Variants in PIK3C3 observed in about 807,000 individuals in gnomAD.
PIK3C3 encodes the protein phosphatidylinositol 3-kinase catalytic subunit type 3.
In PIK3C3, 95 loss-of-function variants were observed where a neutral mutation model predicts 126.1. The ratio of observed to expected loss-of-function variants is 0.75; its 90% CI spans 0.64 to 0.89. The LOEUF (loss-of-function observed/expected upper bound fraction) is 0.89. Ranked by LOEUF, PIK3C3 falls within the 40% of genes least tolerant of loss-of-function variation. The pLI is 0.00. For synonymous variants in PIK3C3, 374 were observed against 360.0 expected, an observed-to-expected ratio of 1.04 and a Z score of -0.44; for missense variants, 829 against 1,063.2, an observed-to-expected ratio of 0.78 and a Z score of 3.06.
At chr18:42,025,957 A>G (rs529714060) in intron 13 of PIK3C3, 14 of 152,326 alleles carry the variant, frequency 9.2e-5, no homozygotes, top group African/African-American at 3.4e-4. Flanking sequence ...CTCAGCTCTC[A>G]TGAAGTTGAC....
intron 15 of PIK3C3, 65 bp from the exon 16 acceptor site, chr18:42,033,761 T>G (rs1270612018): frequency 8.1e-7 from 1 of 1,234,274 alleles, no homozygotes; most frequent in Admixed American, 2.6e-5. Flanking sequence ...TTTTATGTCT[T>G]TACTATATGT....
chr18:41,956,544 G>T (rs1322298369), intron 1 of PIK3C3, among the ~76,000 whole-genome samples: 2 of 136,106 alleles, frequency 1.5e-5, no homozygotes, highest in African/African-American at 3.0e-5. Context: ...AAAAAAACCG[G>T]TCCCTTTTTT....
At chr18:42,019,933 C>T (rs1598902008) in intron 12 of PIK3C3, among the ~76,000 whole-genome samples, 1 of 152,186 alleles carries the variant, frequency 6.6e-6, no homozygotes, top group East Asian at 1.9e-4. Context: ...TCCTCTCCAC[C>T]AGCAGGTCCT....
intron 16 of PIK3C3, among the ~76,000 whole-genome samples, chr18:42,036,489 T>TA: frequency 6.6e-6 from 1 of 152,210 alleles, no homozygotes; most frequent in South Asian, 2.1e-4. Context: ...TTGTCTTATA[T>TA]AATTTCTTCT....
intron 10 of PIK3C3, among the ~76,000 whole-genome samples, chr18:42,006,860 C>A: frequency 9.8e-6 from 1 of 102,294 alleles, no homozygotes; most frequent in Non-Finnish European, 2.0e-5. Context: ...AAATCATATT[C>A]TTTTTTTTTT....
intron 21 of PIK3C3, among the ~76,000 whole-genome samples, chr18:42,056,668 A>G (rs1033574542): frequency 6.6e-6 from 1 of 152,184 alleles, no homozygotes; most frequent in African/African-American, 2.4e-5. Context: ...GAACTTCAAA[A>G]TGAGAATAAA....
At chr18:42,048,989 CAATG>C (rs1984677395) in intron 20 of PIK3C3, among the ~76,000 whole-genome samples, 1 of 152,082 alleles carries the variant, frequency 6.6e-6, no homozygotes, top group Non-Finnish European at 1.5e-5. Context: ...CAGCTAGAGC[CAATG>C]TCTTTGCCTT....
At chr18:41,983,965 T>G (rs940447151) in intron 4 of PIK3C3, among the ~76,000 whole-genome samples, 18 of 152,030 alleles carry the variant, frequency 1.2e-4, no homozygotes, top group African/African-American at 3.1e-4. Flanking sequence ...TTTTTTTTTT[T>G]TGTGACAGTG....
intron 5 of PIK3C3, among the ~76,000 whole-genome samples, chr18:41,989,682 A>G (rs1981677101): frequency 6.6e-6 from 1 of 152,174 alleles, no homozygotes; most frequent in Admixed American, 6.6e-5. Flanking sequence ...ATGCTACACC[A>G]TATAACCTCG....
intron 24 of PIK3C3, among the ~76,000 whole-genome samples, chr18:42,075,163 A>G (rs1985928207): frequency 6.6e-6 from 1 of 152,176 alleles, no homozygotes; most frequent in South Asian, 2.1e-4. Flanking sequence ...GAAGAGAAAA[A>G]TCATCATTTC....
intron 24 of PIK3C3, among the ~76,000 whole-genome samples, chr18:42,078,269 C>T (rs543885663): frequency 1.0e-4 from 15 of 149,542 alleles, no homozygotes; most frequent in Middle Eastern, 3.3e-3. Context: ...CCCAGCTACT[C>T]GGGAGGCTGA....
chr18:42,078,383 CAAAAAAA>C (rs60269462), intron 24 of PIK3C3, among the ~76,000 whole-genome samples: 1 of 72,844 alleles, frequency 1.4e-5, no homozygotes. Flanking sequence ...GACTCTGTCT[CAAAAAAA>C]AAAAAAAAAA....
intron 24 of PIK3C3, among the ~76,000 whole-genome samples, chr18:42,076,107 T>TGCAC (rs142072211): frequency 3.9e-5 from 3 of 77,686 alleles, no homozygotes; most frequent in African/African-American, 1.9e-4. Context: ...TATATATATA[T>TGCAC]ATATATATAT....
intron 11 of PIK3C3, 143 bp from the exon 12 acceptor site, chr18:42,015,333 G>A (rs1983023032): frequency 3.3e-6 from 2 of 614,262 alleles, no homozygotes; most frequent in Admixed American, 2.7e-5. Context: ...AGTACAATGT[G>A]ACTCTAGTGT....
At chr18:42,075,872 A>G (rs1985951634) in intron 24 of PIK3C3, among the ~76,000 whole-genome samples, 1 of 149,982 alleles carries the variant, frequency 6.7e-6, no homozygotes, top group Non-Finnish European at 1.5e-5. Flanking sequence ...GTGGCATCTT[A>G]TTCCATTAGA....
rs568306760 is a variant in PIK3C3, at chr18:42,070,459, G to C, written c.2649+2946G>C. The stretch of plus-strand genomic sequence containing the variant: ...TTTGCATAAGATGCCCATTTTGCTT[G>C]CTGGATCTAAAAATAGAAGGGCCAT... On this transcript the variant is annotated intron_variant, in intron 24 of 24. Transcript: ENST00000262039. 2 of 152,120 alleles carry C rather than the reference G, an allele frequency of 1.3e-5. 1 individual carries two copies. The highest frequency in any genetic ancestry group is 4.1e-4 in the South Asian group (2 of 4,824). 9.4% of individuals were successfully genotyped at this position (152,120 alleles called of 1,614,324 possible).
intron 21 of PIK3C3, among the ~76,000 whole-genome samples, chr18:42,054,146 A>ATCTATC (rs1568002679): frequency 1.6e-4 from 3 of 18,258 alleles, no homozygotes; most frequent in East Asian, 1.3e-3. Context: ...ATATATATAT[A>ATCTATC]TATATATATA....
At chr18:41,979,115 T>C (rs937631292) in intron 4 of PIK3C3, among the ~76,000 whole-genome samples, 5 of 150,114 alleles carry the variant, frequency 3.3e-5, no homozygotes, top group African/African-American at 1.2e-4. Flanking sequence ...CTAAGGCTGC[T>C]GTGCTTAGAA....
intron 10 of PIK3C3, among the ~76,000 whole-genome samples, chr18:42,012,185 A>T (rs1206125181): frequency 0.02 from 1,591 of 78,252 alleles, 26 homozygotes; most frequent in African/African-American, 0.05. Context: ...TCATTCTGTA[A>T]AAAAAAAAAA....
Sources: allele counts gnomAD v4.1 joint callset (sites outside exome capture counted in the v4.1 genomes callset), GRCh38; gene constraint gnomAD v4.1.1; transcripts MANE v1.5; gene names NCBI Gene and HGNC (gene_info 2026-07-23, HGNC 2026-07-21).